LARP4B: variants seen among roughly 807,000 people sequenced by gnomAD.
The protein encoded by LARP4B is la-related protein 4B.
Under a neutral mutation model 89.8 loss-of-function variants are expected in LARP4B, and 12 were observed. The observed-to-expected ratio is 0.13, with a 90% confidence interval of 0.09 to 0.22. The LOEUF is 0.22. Ranked by LOEUF, LARP4B falls within the 10% of genes least tolerant of loss-of-function variation. The pLI, the probability that LARP4B is intolerant of heterozygous loss-of-function variation, is 1.00. For missense variants in LARP4B, 757 were observed against 947.7 expected, an observed-to-expected ratio of 0.80 and a Z score of 2.64; for synonymous variants, 367 against 363.3, an observed-to-expected ratio of 1.01 and a Z score of -0.12.
chr10:873,438 A>G (rs1835323880), intron 3 of LARP4B: 2 of 983,400 alleles, frequency 2.0e-6, no homozygotes, highest in Non-Finnish European at 2.4e-6. Context: ...TAAACTCAAT[A>G]AAACATAACT....
rs916877105 is a variant in LARP4B, at chr10:931,596, TGGCGGCGGC to T, written c.-217_-209del. 1.3e-5 allele frequency: 2 copies of T among 152,414 alleles called. No homozygotes were observed. The highest frequency in any genetic ancestry group is 1.9e-4 in the East Asian group (1 of 5,244). The allele number at this position is 152,414 out of a possible 1,614,324, so 9.4% of individuals were successfully genotyped here. A position where few individuals can be genotyped will look rare whatever the true frequency, so the allele number is the denominator to read the frequency against. On this transcript the variant is annotated 5_prime_UTR_variant, in exon 1 of 18. Coordinates refer to ENST00000316157, the MANE Select transcript of LARP4B (RefSeq NM_015155.3). Reference sequence around the variant, plus strand: ...GGTAGGGGAGAGGGCGGGCGCGAGCTGGCGGCGGCGGCGGCGGCGGATTCTTCCCCTTTC... The same window carrying T: ...GGTAGGGGAGAGGGCGGGCGCGAGCTGGCGGCGGCGGATTCTTCCCCTTTC...
chr10:973,014 C>T, the LARP4B span: 1 of 387,652 alleles, frequency 2.6e-6, no homozygotes, highest in Admixed American at 3.0e-5. Flanking sequence ...GACAAAGAGG[C>T]AAGGAGGCTA....
intron 1 of LARP4B, among the ~76,000 whole-genome samples, chr10:925,066 G>C (rs918222142): frequency 1.1e-4 from 16 of 152,204 alleles, no homozygotes; most frequent in African/African-American, 3.9e-4. Context: ...AAAAAGTACA[G>C]CAAGAAGGGG....
chr10:889,470 C>G (rs144654350), intron 1 of LARP4B, among the ~76,000 whole-genome samples: 37 of 152,304 alleles, frequency 2.4e-4, no homozygotes, highest in African/African-American at 8.9e-4. Context: ...AACTGGAATA[C>G]CCGTAAGAAA....
At chr10:872,315 G>A (rs538650098) in intron 3 of LARP4B, among the ~76,000 whole-genome samples, 35 of 152,322 alleles carry the variant, frequency 2.3e-4, no homozygotes, top group African/African-American at 6.5e-4. Flanking sequence ...GTCCCAAGGC[G>A]AGAGTTCTTC....
At chr10:925,627 G>C (rs780681430) in intron 1 of LARP4B, among the ~76,000 whole-genome samples, 2 of 151,980 alleles carry the variant, frequency 1.3e-5, no homozygotes, top group Non-Finnish European at 2.9e-5. Flanking sequence ...TCTGCCTCCC[G>C]GGTTTAAGCA....
chr10:985,044 T>G, the LARP4B span, among the ~76,000 whole-genome samples: 1 of 152,324 alleles, frequency 6.6e-6, no homozygotes, highest in East Asian at 1.9e-4. Context: ...TGGAGTTCCA[T>G]GCGCCCTGAA....
At chr10:976,226 C>A in the LARP4B span, among the ~76,000 whole-genome samples, 1 of 139,228 alleles carries the variant, frequency 7.2e-6, no homozygotes, top group African/African-American at 2.8e-5. Context: ...GAATGTAGGC[C>A]TATCATGCAA....
chr10:931,965 A>ACGTCCGCCC (rs993142612), upstream of LARP4B, among the ~76,000 whole-genome samples: 9 of 139,984 alleles, frequency 6.4e-5, no homozygotes, highest in East Asian at 8.6e-4. Flanking sequence ...CGCACGCCGC[A>ACGTCCGCCC]CGTCCGCCCC....
intron 1 of LARP4B, among the ~76,000 whole-genome samples, chr10:922,790 AG>A (rs1401814718): frequency 1.2e-4 from 19 of 152,156 alleles, no homozygotes; most frequent in Admixed American, 2.0e-4. Context: ...CATGCTACGC[AG>A]GCCGGGCACA....
chr10:823,757 T>A (rs1832476501), intron 13 of LARP4B, among the ~76,000 whole-genome samples: 1 of 151,952 alleles, frequency 6.6e-6, no homozygotes, highest in Non-Finnish European at 1.5e-5. Context: ...AACCCCAAAC[T>A]GAGACCCAGG....
At chr10:888,030 A>C (rs1415055729) in intron 1 of LARP4B, among the ~76,000 whole-genome samples, 1 of 151,554 alleles carries the variant, frequency 6.6e-6, no homozygotes, top group African/African-American at 2.4e-5. Context: ...TCTTAAAAAC[A>C]AATAACAGGC....
At chr10:987,346 AT>A in the LARP4B span, 1 of 152,342 alleles carries the variant, frequency 6.6e-6, no homozygotes, top group Non-Finnish European at 1.5e-5. Flanking sequence ...TATGAGAGGT[AT>A]TTTCGCGTAA....
intron 5 of LARP4B, among the ~76,000 whole-genome samples, chr10:853,822 G>C (rs1407752153): frequency 6.6e-6 from 1 of 152,180 alleles, no homozygotes; most frequent in African/African-American, 2.4e-5. Context: ...TGAAAACTTG[G>C]GTGGCTGCGG....
rs1241935939 is a variant in LARP4B, at chr10:885,664, C to G, written c.58G>C (p.Glu20Gln). ...ACCAGATGAGCGCTGTCCTTGCCCT[C>G]CTGGACTCTCTGCGTCTGCGGTTCA... ...VAEPQTQRVQ[E>Q]GKDSAHLMNG... The change falls in exon 2 of 18, where the codon GAG becomes CAG. Residue 20 changes from glutamate to glutamine, a missense_variant. By Grantham distance (29) the Glu-to-Gln change is conservative. Coordinates refer to ENST00000316157, the MANE Select transcript of LARP4B (RefSeq NM_015155.3). 1.9e-6 allele frequency: 3 copies of G among 1,614,022 alleles called. No individual in the cohort carries two copies. The highest frequency in any genetic ancestry group is 2.5e-6 in the Non-Finnish European group (3 of 1,180,012).
At chr10:888,349 A>AAAC (rs1554804779) in intron 1 of LARP4B, among the ~76,000 whole-genome samples, 4 of 151,008 alleles carry the variant, frequency 2.6e-5, no homozygotes, top group Admixed American at 6.6e-5. Flanking sequence ...AAAAAAAAAA[A>AAAC]ACACACACAC....
At chr10:846,697 G>A (rs1231499966) in intron 5 of LARP4B, among the ~76,000 whole-genome samples, 2 of 152,328 alleles carry the variant, frequency 1.3e-5, no homozygotes, top group East Asian at 3.9e-4. Flanking sequence ...GTTCCATGGT[G>A]TAGACAGACT....
chr10:970,894 G>A, the LARP4B span, among the ~76,000 whole-genome samples: 5 of 152,166 alleles, frequency 3.3e-5, no homozygotes, highest in South Asian at 2.1e-4. Context: ...CCAGCTGAGC[G>A]TTTTATGATG....
chr10:975,359 C>T, the LARP4B span, among the ~76,000 whole-genome samples: 1 of 152,198 alleles, frequency 6.6e-6, no homozygotes, highest in African/African-American at 2.4e-5. Flanking sequence ...GTGTTTAGTA[C>T]AGGGTCTGCC....
Sources: allele counts gnomAD v4.1 joint callset (sites outside exome capture counted in the v4.1 genomes callset), GRCh38; gene constraint gnomAD v4.1.1; transcripts MANE v1.5; gene names NCBI Gene and HGNC (gene_info 2026-07-23, HGNC 2026-07-21).